DNAJC12: variants seen among roughly 807,000 people sequenced by gnomAD.
DNAJC12 encodes dnaJ homolog subfamily C member 12.
In DNAJC12, 25 loss-of-function variants were observed where a neutral mutation model predicts 28.5. The observed-to-expected ratio is 0.88, with a 90% CI of 0.64 to 1.22. DNAJC12 has a LOEUF of 1.22. Among genes scored for constraint, DNAJC12 ranks in the 50% most tolerant of loss-of-function variants. The probability of loss-of-function intolerance (pLI) is 0.00; values close to 1 mark genes in which losing one functional copy is unlikely to be tolerated. For synonymous variants in DNAJC12, 77 were observed against 80.6 expected (o/e 0.95, Z 0.24); for missense variants, 222 against 231.7 (o/e 0.96, Z 0.27).
intron 1 of DNAJC12, among the ~76,000 whole-genome samples, chr10:67,829,929 TGTAA>T (rs1204142333): frequency 2.0e-5 from 3 of 152,090 alleles, no homozygotes; most frequent in East Asian, 3.9e-4. Context: ...TATAATAATA[TGTAA>T]GTATTATGTG....
At chr10:67,819,282 A>G (rs1247755651) in intron 2 of DNAJC12, among the ~76,000 whole-genome samples, 2 of 151,378 alleles carry the variant, frequency 1.3e-5, no homozygotes, top group Admixed American at 6.6e-5. Flanking sequence ...GCAGTGAACC[A>G]AGAGATAGCG....
At chr10:67,808,553 G>A (rs145051265) in intron 3 of DNAJC12, 164 of 152,160 alleles carry the variant, frequency 1.1e-3, no homozygotes, top group African/African-American at 3.8e-3. Flanking sequence ...CAAAGAAAAT[G>A]ATCATGGTCC....
chr10:67,834,078 T>TA, intron 1 of DNAJC12: 5 of 459,834 alleles, frequency 1.1e-5, no homozygotes, highest in South Asian at 6.4e-5. Flanking sequence ...AAGGTCAAGC[T>TA]AAAAAATGAA....
At chr10:67,807,560 A>G (rs1841816362) in intron 3 of DNAJC12, among the ~76,000 whole-genome samples, 2 of 152,202 alleles carry the variant, frequency 1.3e-5, no homozygotes, top group East Asian at 1.9e-4. Flanking sequence ...TTGCATATGC[A>G]CAAAATAAAA....
intron 3 of DNAJC12, 46 bp downstream of exon 3, chr10:67,811,478 C>T: frequency 6.2e-7 from 1 of 1,611,784 alleles, no homozygotes; most frequent in Non-Finnish European, 8.5e-7. Flanking sequence ...AATCCATGGG[C>T]ATCCTGAGCT....
At chr10:67,809,391 T>C (rs566596294) in intron 3 of DNAJC12, among the ~76,000 whole-genome samples, 5 of 152,284 alleles carry the variant, frequency 3.3e-5, no homozygotes, top group African/African-American at 1.2e-4. Context: ...AGGCCTGAAT[T>C]ACTGAATCCT....
intron 4 of DNAJC12, among the ~76,000 whole-genome samples, chr10:67,799,791 G>A (rs1361761214): frequency 6.6e-6 from 1 of 150,986 alleles, no homozygotes; most frequent in East Asian, 2.0e-4. Context: ...GCTGAGGCAG[G>A]AGAATCACTT....
At chr10:67,811,457 T>G (rs1340275177) in intron 3 of DNAJC12, 67 bp downstream of exon 3, 2 of 1,602,252 alleles carry the variant, frequency 1.2e-6, no homozygotes, top group Non-Finnish European at 1.7e-6. Context: ...TTTAAGCTAC[T>G]ACATGAGTCT....
intron 2 of DNAJC12, among the ~76,000 whole-genome samples, chr10:67,821,762 T>C (rs943364502): frequency 2.6e-5 from 4 of 152,176 alleles, no homozygotes; most frequent in African/African-American, 9.7e-5. Context: ...GGGGCTTACC[T>C]ACAGCAATGG....
At chr10:67,823,753 A>G (rs1842003394) in intron 1 of DNAJC12, among the ~76,000 whole-genome samples, 1 of 152,086 alleles carries the variant, frequency 6.6e-6, no homozygotes, top group East Asian at 1.9e-4. Context: ...TGGGGCATCA[A>G]TCCCCAACCC....
intron 1 of DNAJC12, among the ~76,000 whole-genome samples, chr10:67,835,419 C>T (rs1842132727): frequency 6.6e-6 from 1 of 152,032 alleles, no homozygotes; most frequent in South Asian, 2.1e-4. Context: ...AAGCCAGGTG[C>T]GGTGGCTCAC....
chr10:67,824,925 G>A (rs1254436009), intron 1 of DNAJC12, among the ~76,000 whole-genome samples: 1 of 151,904 alleles, frequency 6.6e-6, no homozygotes, highest in Non-Finnish European at 1.5e-5. Context: ...GTAGAGATGG[G>A]GGTTTCACCA....
intron 3 of DNAJC12, among the ~76,000 whole-genome samples, chr10:67,807,723 A>G (rs1450118705): frequency 6.6e-6 from 1 of 152,216 alleles, no homozygotes; most frequent in Admixed American, 6.5e-5. Context: ...TACGTGATGT[A>G]TTGATCTCTG....
rs527995136 is a variant in DNAJC12 at position 67,813,350 on chromosome 10, G to A, written c.158-1687C>T. On this transcript the variant is annotated intron_variant, in intron 2 of 4. Transcript: ENST00000225171. ...TGCACTCCAGCCTAGATGACAGAGCGAGACTCCGTCTCCAAAAAATAAAAA... is the reference window on the plus strand; with the variant it reads ...TGCACTCCAGCCTAGATGACAGAGCAAGACTCCGTCTCCAAAAAATAAAAA... 3.3e-3 allele frequency among the ~76,000 whole-genome samples: 504 copies of A among 152,050 alleles called. 3 individuals carry two copies. Among genetic ancestry groups the A allele is most frequent in the African/African-American group, 0.011 (472 of 41,486 alleles).
intron 1 of DNAJC12, chr10:67,833,651 G>T: frequency 7.3e-6 from 2 of 272,262 alleles, no homozygotes; most frequent in Admixed American, 4.4e-5. Context: ...GGTGGTTTGT[G>T]CTTGCGATCG....
At chr10:67,811,760 C>T in intron 2 of DNAJC12, 97 bp from the exon 3 acceptor site, 1 of 1,510,316 alleles carries the variant, frequency 6.6e-7, no homozygotes, top group South Asian at 1.3e-5. Flanking sequence ...ATGACTGCCA[C>T]TTAATAGCTA....
At chr10:67,824,090 G>A (rs974015862) in intron 1 of DNAJC12, among the ~76,000 whole-genome samples, 1 of 151,904 alleles carries the variant, frequency 6.6e-6, no homozygotes, top group African/African-American at 2.4e-5. Flanking sequence ...ACAAAAATTA[G>A]CCAGACATGG....
At chr10:67,811,341 AT>A (rs1841856000) in intron 3 of DNAJC12, 182 bp downstream of exon 3, 6 of 1,419,158 alleles carry the variant, frequency 4.2e-6, no homozygotes, top group South Asian at 1.7e-5. Flanking sequence ...GCACAAATTC[AT>A]TGCCTTTATT....
chr10:67,823,225 A>T, intron 2 of DNAJC12, 89 bp downstream of exon 2: 2 of 1,075,184 alleles, frequency 1.9e-6, no homozygotes, highest in Admixed American at 1.9e-5. Flanking sequence ...TAGACAAGAG[A>T]AAATTGAGAA....
Sources: allele counts gnomAD v4.1 joint callset (sites outside exome capture counted in the v4.1 genomes callset), GRCh38; gene constraint gnomAD v4.1.1; transcripts MANE v1.5; gene names NCBI Gene and HGNC (gene_info 2026-07-23, HGNC 2026-07-21).